The following DOP1B variants were observed in gnomAD, a reference collection of about 807,000 sequenced individuals.
The protein encoded by DOP1B is protein DOP1B.
Under a neutral mutation model 233.5 loss-of-function variants are expected in DOP1B, and 174 were observed. The ratio of observed to expected loss-of-function variants is 0.75; its 90% confidence interval spans 0.66 to 0.85. DOP1B has a LOEUF of 0.85. DOP1B is among the 40% of genes least tolerant of loss of function. The pLI, the probability that DOP1B is intolerant of heterozygous loss-of-function variation, is 0.00. For synonymous variants in DOP1B, 1,190 were observed against 1,185.6 expected, an observed-to-expected ratio of 1.00 and a Z score of -0.08; for missense variants, 2,652 against 2,846.6, an observed-to-expected ratio of 0.93 and a Z score of 1.56.
At chr21:36,182,008 A>C (rs1484072216) in intron 2 of DOP1B, among the ~76,000 whole-genome samples, 1 of 152,326 alleles carries the variant, frequency 6.6e-6, no homozygotes, top group East Asian at 1.9e-4. Flanking sequence ...AAAGTATTGA[A>C]TTGCTTTTTA....
Position 36,208,706 on chromosome 21 carries a change from C to T in DOP1B, c.492-9C>T, listed in dbSNP as rs777748788. 11 of 1,611,890 alleles carry T rather than the reference C, an allele frequency of 6.8e-6. No individual in the cohort carries two copies. In the South Asian group the frequency reaches 1.2e-4, roughly 18 times the overall value. ...CGAGCCCTTGAACCCTATCCTCTCT[C>T]ATCAACAGAACGGATGCTCTGCTCC... On this transcript the variant is annotated splice_polypyrimidine_tract_variant and intron_variant, in intron 4 of 36. Transcript: ENST00000691173.
At chr21:36,247,176 G>A (rs2066977103) in intron 19 of DOP1B, among the ~76,000 whole-genome samples, 1 of 152,184 alleles carries the variant, frequency 6.6e-6, no homozygotes, top group East Asian at 1.9e-4. Flanking sequence ...ACTGCGCCCA[G>A]CCCTGATCCT....
At chr21:36,176,722 C>T (rs1238481655) in intron 2 of DOP1B, among the ~76,000 whole-genome samples, 4 of 152,128 alleles carry the variant, frequency 2.6e-5, no homozygotes, top group African/African-American at 9.7e-5. Context: ...AGGAGAGGGG[C>T]CAGCCCAGCA....
rs755666854 is a variant in DOP1B, at chr21:36,292,292, G to A, written c.6645+59G>A. The A allele has an allele frequency of 3.3e-5, 46 of 1,403,086 alleles. 1 individual carries two copies. The highest frequency in any genetic ancestry group is 1.7e-4 in the East Asian group (7 of 41,596). The allele number at this position is 1,403,086 out of a possible 1,614,324, so 86.9% of individuals were successfully genotyped here. On this transcript the variant is annotated intron_variant, in intron 36 of 36. Coordinates refer to ENST00000691173, the MANE Select transcript of DOP1B (RefSeq NM_001320714.2). Reference sequence around the variant, plus strand: ...TTTTTGGTGAGACAGAGTTTCACTCGGCCACCCAGGTTAGAGTGCAGTGGT... The same window carrying A: ...TTTTTGGTGAGACAGAGTTTCACTCAGCCACCCAGGTTAGAGTGCAGTGGT...
chr21:36,257,595 A>T (rs1345374725), intron 23 of DOP1B, among the ~76,000 whole-genome samples: 1 of 133,598 alleles, frequency 7.5e-6, no homozygotes, highest in Non-Finnish European at 1.6e-5. Context: ...ACGTAGATAG[A>T]TGATAGATAG....
chr21:36,252,606 T>C (rs2067043870), intron 22 of DOP1B, among the ~76,000 whole-genome samples: 1 of 151,842 alleles, frequency 6.6e-6, no homozygotes, highest in South Asian at 2.1e-4. Flanking sequence ...CTCTGCCTCC[T>C]GAGTTTAAGC....
chr21:36,260,087 C>T (rs1215780913), intron 23 of DOP1B, among the ~76,000 whole-genome samples: 4 of 149,478 alleles, frequency 2.7e-5, no homozygotes, highest in Non-Finnish European at 4.4e-5. Context: ...ACCTGGGAAG[C>T]GGAGGTTGCA....
In DOP1B at chr21:36,227,903, G is replaced by T. The variant is rs558196100; in HGVS notation, c.1665+26G>T. On this transcript the variant is annotated intron_variant, in intron 13 of 36. Transcript: ENST00000691173. ...GTGTGTACTCTGAGGGGCAGAAATG[G>T]TTCTGGGGGCTAAAAGCAGCTTATG... 7.2e-6 allele frequency: 11 copies of T among 1,536,828 alleles called. No individual in the cohort carries two copies. The South Asian group carries it at 9.7e-5, about 14-fold the overall frequency.
At chr21:36,180,658 A>G (rs942761501) in intron 2 of DOP1B, among the ~76,000 whole-genome samples, 1 of 151,946 alleles carries the variant, frequency 6.6e-6, no homozygotes, top group Non-Finnish European at 1.5e-5. Flanking sequence ...AGGCGGGGGG[A>G]TCACCTGAGG....
intron 1 of DOP1B, among the ~76,000 whole-genome samples, chr21:36,162,416 A>G (rs573344311): frequency 1.3e-5 from 2 of 152,288 alleles, no homozygotes; most frequent in East Asian, 1.9e-4. Flanking sequence ...GTTAGTCTCA[A>G]ACTCCTGGAC....
chr21:36,247,467 G>T, intron 19 of DOP1B, 50 bp from the exon 20 acceptor site: 1 of 1,365,828 alleles, frequency 7.3e-7, no homozygotes, highest in Non-Finnish European at 1.0e-6. Context: ...AACCCTTATG[G>T]CCTCATTCTT....
chr21:36,245,314 T>C lies in DOP1B; in HGVS notation c.3334T>C (p.Ser1112Pro), dbSNP rs778736485. 1.6e-5 allele frequency: 26 copies of C among 1,613,780 alleles called. No individual in the cohort carries two copies. The East Asian group carries it at 5.1e-4, about 32-fold the overall frequency. The change falls in exon 19 of 37, where the codon TCT becomes CCT. Residue 1112 changes from serine to proline, a missense_variant. Around this residue, in one of 3 missense-constraint regions of DOP1B, gnomAD observed 2,617 missense variants for 2,794.3 expected, o/e 0.94. Coordinates refer to ENST00000691173, the MANE Select transcript of DOP1B (RefSeq NM_001320714.2). The surrounding 1 kb of genome is among the most constrained non-coding windows in gnomAD (Gnocchi z 5.5). ...CCCGGACAGCAGCGAGCACACCGAG[T>C]CTGCAGATACAAGCTCCTGCCACAC... Reference protein sequence around the residue: ...GAPDSSEHTESADTSSCHTDS... With the variant: ...GAPDSSEHTEPADTSSCHTDS...
chr21:36,263,735 T>C lies in DOP1B; in HGVS notation c.5421-13T>C. 1 of 1,614,150 alleles carries C rather than the reference T, an allele frequency of 6.2e-7. No homozygotes were observed. The highest frequency in any genetic ancestry group is 8.5e-7 in the Non-Finnish European group (1 of 1,179,980). On this transcript the variant is annotated splice_polypyrimidine_tract_variant and intron_variant, in intron 25 of 36. Coordinates refer to ENST00000691173, the MANE Select transcript of DOP1B (RefSeq NM_001320714.2). ...GCAGCATTTTTAATCTGAAGCTGAT[T>C]GTCTCCCAACAGCATGCTGAATGAC...
chr21:36,277,841 C>T (rs2146244110), intron 28 of DOP1B, 134 bp from the exon 29 acceptor site: 1 of 664,046 alleles, frequency 1.5e-6, no homozygotes, highest in East Asian at 2.7e-5. Flanking sequence ...GGGGTTTCAC[C>T]ATGTTGGCCA....
chr21:36,264,313 G>T (rs2123645672), intron 26 of DOP1B, among the ~76,000 whole-genome samples: 1 of 152,188 alleles, frequency 6.6e-6, no homozygotes, highest in East Asian at 1.9e-4. Context: ...CAGCTACTTG[G>T]GAGGCTAAGG....
intron 17 of DOP1B, 33 bp downstream of exon 17, chr21:36,238,734 C>T: frequency 1.2e-6 from 2 of 1,606,852 alleles, no homozygotes; most frequent in Non-Finnish European, 1.7e-6. Flanking sequence ...CTACCGTTAA[C>T]TCACGAGGAA....
chr21:36,160,667 G>A (rs1204622483), intron 1 of DOP1B, among the ~76,000 whole-genome samples: 2 of 151,986 alleles, frequency 1.3e-5, no homozygotes, highest in Non-Finnish European at 2.9e-5. Flanking sequence ...TAGTAGTGAC[G>A]GGGTTTCGCC....
chr21:36,189,565 C>T (rs1042769171), intron 2 of DOP1B, among the ~76,000 whole-genome samples: 1 of 152,036 alleles, frequency 6.6e-6, no homozygotes, highest in Non-Finnish European at 1.5e-5. Context: ...AACCCCGTAG[C>T]TGGGCGTGCT....
intron 24 of DOP1B, chr21:36,261,956 A>G: frequency 1.0e-6 from 1 of 984,820 alleles, no homozygotes; most frequent in Non-Finnish European, 1.2e-6. Flanking sequence ...ACCACTTCTC[A>G]GGGAAGCCTC....
Sources: allele counts gnomAD v4.1 joint callset (sites outside exome capture counted in the v4.1 genomes callset), GRCh38; gene constraint gnomAD v4.1.1; regional missense constraint gnomAD v4.1.1; non-coding constraint Gnocchi (gnomAD v3.1); transcripts MANE v1.5; gene names NCBI Gene and HGNC (gene_info 2026-07-23, HGNC 2026-07-21).